The following TSPEAR variants were observed in gnomAD, a reference collection of about 807,000 sequenced individuals.
The protein encoded by TSPEAR is thrombospondin type laminin G domain and EAR repeats, also known as thrombospondin-type laminin G domain and EAR repeat-containing protein.
In TSPEAR, 69 loss-of-function variants were observed where a neutral mutation model predicts 71.6. That is an observed-to-expected ratio of 0.96 (90% CI 0.79 to 1.18). The LOEUF is 1.18. TSPEAR is among the 50% of genes most tolerant of loss of function. The probability of loss-of-function intolerance (pLI) is 0.00; values close to 1 mark genes in which losing one functional copy is unlikely to be tolerated. For missense variants in TSPEAR, 971 were observed against 894.9 expected, an observed-to-expected ratio of 1.09 and a Z score of -1.09; for synonymous variants, 402 against 387.2, an observed-to-expected ratio of 1.04 and a Z score of -0.45.
chr21:44,632,009 C>T lies in TSPEAR; in HGVS notation c.83-64004G>A, dbSNP rs76180694. Among the ~76,000 whole-genome samples, 4 of 152,178 alleles carry T rather than the reference C, an allele frequency of 2.6e-5. No homozygotes were observed. In the East Asian group the frequency reaches 5.8e-4, roughly 22 times the overall value. ...TTTGAAGACGGATGGTGGCAATGACCGCACTGCATTATGAATGTATTTAAT... is the reference window on the plus strand; with the variant it reads ...TTTGAAGACGGATGGTGGCAATGACTGCACTGCATTATGAATGTATTTAAT... On this transcript the variant is annotated intron_variant, in intron 1 of 11. Transcript: ENST00000323084.
chr21:44,625,788 G>T (rs1000201871), intron 1 of TSPEAR, among the ~76,000 whole-genome samples: 7 of 141,896 alleles, frequency 4.9e-5, no homozygotes, highest in African/African-American at 1.3e-4. Context: ...GGCTGCTCCA[G>T]TGATCCTGTG....
At chr21:44,658,275 C>T in intron 1 of TSPEAR, 1 of 1,612,744 alleles carries the variant, frequency 6.2e-7, no homozygotes, top group Non-Finnish European at 8.5e-7. Context: ...TGCTGACCAG[C>T]TGCTCCTGGT....
intron 1 of TSPEAR, chr21:44,600,661 A>T (rs1555928357): frequency 6.2e-7 from 1 of 1,613,626 alleles, no homozygotes; most frequent in Non-Finnish European, 8.5e-7. Context: ...CAGCGACCTG[A>T]GCTACGGCAG....
chr21:44,512,610 G>A (rs926418540), intron 9 of TSPEAR, among the ~76,000 whole-genome samples: 1 of 152,200 alleles, frequency 6.6e-6, no homozygotes, highest in African/African-American at 2.4e-5. Context: ...CCCTGGGTTG[G>A]GAATGCGCGA....
In TSPEAR at chr21:44,533,766, TC is replaced by T. The variant is rs782666687; in HGVS notation, c.460del (p.Asp154MetfsTer28). 38 of 1,612,252 alleles carry T rather than the reference TC, an allele frequency of 2.4e-5. No individual in the cohort carries two copies. Among genetic ancestry groups the T allele is most frequent in the Non-Finnish European group, 2.7e-5 (32 of 1,179,850 alleles). On this transcript the variant is annotated frameshift_variant, in exon 3 of 12. Transcript: ENST00000323084. LOFTEE classifies it high-confidence loss of function. Reference sequence around the variant, plus strand: ...CAGGACCAGTGTGTGCCAGCGGCCATCCACCAGGGCCGGGCTGCGGAAGGAC... The same window carrying T: ...CAGGACCAGTGTGTGCCAGCGGCCATCACCAGGGCCGGGCTGCGGAAGGAC... ...RVSFRSPALV[D>X]GRWHTLVLAV...
intron 2 of TSPEAR, chr21:44,550,484 G>A: frequency 1.3e-6 from 1 of 794,036 alleles, no homozygotes; most frequent in Non-Finnish European, 2.0e-6. Flanking sequence ...TCTGCAGCCA[G>A]GAAGCACCGT....
intron 1 of TSPEAR, chr21:44,646,811 T>C: frequency 6.4e-7 from 1 of 1,572,622 alleles, no homozygotes. Context: ...TGTGTGCCTG[T>C]CTGCTGTGGG....
chr21:44,693,084 G>A (rs1555949975), intron 1 of TSPEAR, among the ~76,000 whole-genome samples: 1 of 152,060 alleles, frequency 6.6e-6, no homozygotes, highest in African/African-American at 2.4e-5. Flanking sequence ...TTTTCAACAA[G>A]AGTGTCAAGA....
At chr21:44,698,014 A>C (rs1299501194) in intron 1 of TSPEAR, 2 of 1,518,772 alleles carry the variant, frequency 1.3e-6, no homozygotes, top group East Asian at 2.3e-5. Flanking sequence ...TGAGTCCCCC[A>C]CCTCTCCCAC....
chr21:44,579,877 G>C, intron 1 of TSPEAR: 2 of 1,598,254 alleles, frequency 1.3e-6, no homozygotes, highest in Non-Finnish European at 1.7e-6. Context: ...AGATGGGCAG[G>C]CAGCAGGCGG....
chr21:44,679,616 C>G (rs1304248090), intron 1 of TSPEAR, among the ~76,000 whole-genome samples: 1 of 152,156 alleles, frequency 6.6e-6, no homozygotes, highest in Non-Finnish European at 1.5e-5. Flanking sequence ...AAGAACAAAC[C>G]TGTAGGTATC....
At chr21:44,539,113 A>T in intron 2 of TSPEAR, 1 of 1,042,322 alleles carries the variant, frequency 9.6e-7, no homozygotes, top group South Asian at 1.7e-5. Flanking sequence ...CACCTGCTGG[A>T]AGGCAAGAGC....
chr21:44,628,950 C>G (rs1449889543), intron 1 of TSPEAR, among the ~76,000 whole-genome samples: 16 of 151,820 alleles, frequency 1.1e-4, no homozygotes, highest in Non-Finnish European at 2.1e-4. Context: ...GGTGGAGGGC[C>G]GGTGGGAACA....
intron 9 of TSPEAR, among the ~76,000 whole-genome samples, chr21:44,515,068 A>G (rs1473819214): frequency 5.9e-5 from 9 of 152,132 alleles, no homozygotes; most frequent in African/African-American, 2.2e-4. Context: ...GCGCCTCTCT[A>G]TGGCACACAC....
chr21:44,571,272 A>G (rs1398000835), intron 1 of TSPEAR, among the ~76,000 whole-genome samples: 2 of 152,206 alleles, frequency 1.3e-5, no homozygotes, highest in African/African-American at 4.8e-5. Flanking sequence ...CTGATCTCAA[A>G]CTCCTGGCCT....
intron 9 of TSPEAR, chr21:44,518,219 C>T (rs1555913737): frequency 2.3e-6 from 1 of 430,356 alleles, no homozygotes; most frequent in South Asian, 1.7e-5. Flanking sequence ...AGAGCTAGCT[C>T]AGTTTCTTTC....
At chr21:44,518,916 G>A in intron 9 of TSPEAR, 2 of 258,594 alleles carry the variant, frequency 7.7e-6, no homozygotes, top group African/African-American at 2.2e-5. Flanking sequence ...CTGGTGTGGA[G>A]CCCCGGGTGT....
At chr21:44,683,646 G>T (rs1220348824) in intron 1 of TSPEAR, among the ~76,000 whole-genome samples, 1 of 151,902 alleles carries the variant, frequency 6.6e-6, no homozygotes, top group Non-Finnish European at 1.5e-5. Context: ...TCCAGCCAGG[G>T]CAACAGAGCA....
chr21:44,521,890 G>T lies in TSPEAR; in HGVS notation c.1559C>A (p.Ser520Tyr). Residue 520 changes from serine (S) to tyrosine (Y), a missense_variant, in exon 9 of 12, where the codon TCC becomes TAC. Ser to Tyr is a moderately radical substitution (Grantham distance 144). Transcript: ENST00000323084. ...TCATGCGGGGGGCCTTACCGGGAAGGACTGGAAGAGCTGGAAGGAGCCCAG... is the reference window on the plus strand; with the variant it reads ...TCATGCGGGGGGCCTTACCGGGAAGTACTGGAAGAGCTGGAAGGAGCCCAG... ...RLLGSFQLFQ[S>Y]FPTFGAADWE... 2 of 1,613,538 alleles carry T rather than the reference G, an allele frequency of 1.2e-6. No homozygotes were observed. The highest frequency in any genetic ancestry group is 1.7e-6 in the Non-Finnish European group (2 of 1,179,818).
Sources: gnomAD v4.1 joint callset for allele counts (sites outside exome capture counted in the v4.1 genomes callset) on GRCh38, gnomAD v4.1.1 for gene constraint, MANE v1.5 for transcripts, NCBI Gene and HGNC (gene_info 2026-07-23, HGNC 2026-07-21) for gene names.